Variants in RANBP17 observed in about 807,000 individuals in gnomAD.
RANBP17 encodes the protein ran-binding protein 17.
A neutral mutation model predicts 141.2 loss-of-function variants in RANBP17; 158 were observed. The ratio of observed to expected loss-of-function variants is 1.12; its 90% CI spans 0.98 to 1.28. The LOEUF is 1.28. Among genes scored for constraint, RANBP17 ranks in the 50% most tolerant of loss-of-function variants. RANBP17 has a pLI of 0.00. For missense variants in RANBP17, 1,438 were observed against 1,290.7 expected, an observed-to-expected ratio of 1.11 and a Z score of -1.75; for synonymous variants, 430 against 450.0, an observed-to-expected ratio of 0.96 and a Z score of 0.56.
intron 14 of RANBP17, among the ~76,000 whole-genome samples, chr5:171,117,932 CA>C (rs1755764002): frequency 6.6e-6 from 1 of 151,892 alleles, no homozygotes; most frequent in South Asian, 2.1e-4. Context: ...AATAGTTTGC[CA>C]GTATTTTCTC....
At chr5:171,112,283 C>T (rs1243427798) in intron 14 of RANBP17, among the ~76,000 whole-genome samples, 1 of 151,932 alleles carries the variant, frequency 6.6e-6, no homozygotes, top group East Asian at 1.9e-4. Context: ...CTGGATTTTT[C>T]CTACTTTGTT....
intron 14 of RANBP17, among the ~76,000 whole-genome samples, chr5:171,044,331 T>C (rs533439038): frequency 3.9e-5 from 6 of 152,030 alleles, no homozygotes; most frequent in Non-Finnish European, 5.9e-5. Context: ...AAATGAATTT[T>C]AATATAACAT....
Position 171,265,820 on chromosome 5 carries a change from G to T in RANBP17, c.2916G>T (p.Met972Ile), listed in dbSNP as rs755617705. The T allele has an allele frequency of 1.2e-5, 19 of 1,613,712 alleles. No individual in the cohort carries two copies. Among genetic ancestry groups the T allele is most frequent in the Non-Finnish European group, 1.5e-5 (18 of 1,179,848 alleles). Reference sequence around the variant, plus strand: ...CTGGTCAGAGACTATTACATTTTATGCAGCAAAACCCAGATGTCCTGCAGC... The same window carrying T: ...CTGGTCAGAGACTATTACATTTTATTCAGCAAAACCCAGATGTCCTGCAGC... ...TQAGQRLLHF[M>I]QQNPDVLQQM... The change falls in exon 25 of 28, where the codon ATG (methionine) becomes ATT (isoleucine). Residue 972 changes from methionine (M) to isoleucine (I), a missense_variant. Transcript: ENST00000523189.
At chr5:171,181,522 G>A (rs1760861731) in intron 16 of RANBP17, among the ~76,000 whole-genome samples, 1 of 151,894 alleles carries the variant, frequency 6.6e-6, no homozygotes, top group Admixed American at 6.6e-5. Context: ...GAAAATCCAT[G>A]GATGTAGTCC....
At chr5:171,154,103 T>G (rs1166912213) in intron 14 of RANBP17, among the ~76,000 whole-genome samples, 2 of 148,614 alleles carry the variant, frequency 1.3e-5, no homozygotes, top group East Asian at 2.0e-4. Context: ...CTTTAGTTTT[T>G]TTTTTTTTTT....
At chr5:171,037,365 G>C (rs749653731) in intron 14 of RANBP17, among the ~76,000 whole-genome samples, 2 of 151,724 alleles carry the variant, frequency 1.3e-5, no homozygotes, top group African/African-American at 2.4e-5. Flanking sequence ...TGTATGTATA[G>C]GTTTTTCTCT....
intron 14 of RANBP17, among the ~76,000 whole-genome samples, chr5:171,154,434 G>A (rs1039169704): frequency 6.6e-6 from 1 of 152,192 alleles, no homozygotes; most frequent in East Asian, 2.0e-4. Context: ...GCGCCACCAT[G>A]CCCAGCTAAT....
intron 14 of RANBP17, among the ~76,000 whole-genome samples, chr5:171,006,381 T>C (rs570609097): frequency 4.6e-5 from 7 of 152,166 alleles, no homozygotes; most frequent in Non-Finnish European, 8.8e-5. Flanking sequence ...ATTAAGAAAA[T>C]GTGGCACATA....
intron 14 of RANBP17, among the ~76,000 whole-genome samples, chr5:171,035,742 T>TG (rs1376842344): frequency 3.2e-5 from 4 of 123,642 alleles, no homozygotes; most frequent in South Asian, 4.9e-4. Context: ...TTTTTGTTTT[T>TG]TTTTTTTTTT....
intron 14 of RANBP17, among the ~76,000 whole-genome samples, chr5:171,039,996 G>C (rs1782151124): frequency 6.6e-6 from 1 of 151,988 alleles, no homozygotes; most frequent in Non-Finnish European, 1.5e-5. Flanking sequence ...AAATCGAGGA[G>C]GAAGTGCTCC....
intron 14 of RANBP17, among the ~76,000 whole-genome samples, chr5:171,051,376 G>A (rs866629790): frequency 6.6e-6 from 1 of 152,054 alleles, no homozygotes; most frequent in South Asian, 2.1e-4. Flanking sequence ...TACCTATTAA[G>A]TAATCACTCT....
At chr5:171,166,879 T>C (rs1759737369) in intron 14 of RANBP17, among the ~76,000 whole-genome samples, 1 of 152,206 alleles carries the variant, frequency 6.6e-6, no homozygotes, top group Non-Finnish European at 1.5e-5. Context: ...AGCTTTTCAA[T>C]TTACTATTCA....
intron 14 of RANBP17, among the ~76,000 whole-genome samples, chr5:170,972,270 T>C (rs774304874): frequency 6.7e-6 from 1 of 149,182 alleles, no homozygotes; most frequent in Non-Finnish European, 1.5e-5. Flanking sequence ...CAACCTCCGC[T>C]TCCCAGGTTC....
At chr5:171,202,584 C>T (rs1045012688) in intron 19 of RANBP17, among the ~76,000 whole-genome samples, 1 of 152,180 alleles carries the variant, frequency 6.6e-6, no homozygotes, top group African/African-American at 2.4e-5. Context: ...TTGCTTTGAT[C>T]CCTGTAGCAG....
chr5:171,016,463 A>G (rs569972245), intron 14 of RANBP17, among the ~76,000 whole-genome samples: 1 of 151,924 alleles, frequency 6.6e-6, no homozygotes, highest in Non-Finnish European at 1.5e-5. Flanking sequence ...TATGATTATC[A>G]ATATGGCTAC....
At chr5:171,090,492 T>C (rs1396780146) in intron 14 of RANBP17, among the ~76,000 whole-genome samples, 1 of 152,074 alleles carries the variant, frequency 6.6e-6, no homozygotes, top group African/African-American at 2.4e-5. Flanking sequence ...AGCCTGACAA[T>C]GTGTTAGAAA....
chr5:170,990,122 T>C lies in RANBP17; in HGVS notation c.1710+21745T>C, dbSNP rs1778404222. 4.0e-5 allele frequency among the ~76,000 whole-genome samples: 6 copies of C among 151,880 alleles called. 1 individual carries two copies. In the South Asian group the frequency reaches 1.2e-3, roughly 31 times the overall value. On this transcript the variant is annotated intron_variant, in intron 14 of 27. Coordinates refer to ENST00000523189, the MANE Select transcript of RANBP17 (RefSeq NM_022897.5). Reference sequence around the variant, plus strand: ...TGATACTTTTAAGCAACAATTTAATTCATAGCATAGTTTGCAATTTATTGA... The same window carrying C: ...TGATACTTTTAAGCAACAATTTAATCCATAGCATAGTTTGCAATTTATTGA...
chr5:170,991,596 G>C (rs567822318), intron 14 of RANBP17, among the ~76,000 whole-genome samples: 4 of 151,926 alleles, frequency 2.6e-5, no homozygotes, highest in Non-Finnish European at 5.9e-5. Flanking sequence ...CTTTTCATCA[G>C]ATAGATCTCC....
chr5:170,892,179 A>G (rs1054829978), intron 3 of RANBP17, among the ~76,000 whole-genome samples: 3 of 146,566 alleles, frequency 2.0e-5, no homozygotes, highest in African/African-American at 7.6e-5. Flanking sequence ...TGTGCTGAAC[A>G]TGGAGGTTTG....
Sources: allele counts gnomAD v4.1 joint callset (sites outside exome capture counted in the v4.1 genomes callset), GRCh38; gene constraint gnomAD v4.1.1; transcripts MANE v1.5; gene names NCBI Gene and HGNC (gene_info 2026-07-23, HGNC 2026-07-21).